The following ATP5MJ variants were observed in gnomAD, a reference collection of about 807,000 sequenced individuals.
ATP5MJ encodes ATP synthase F(0) complex subunit j, mitochondrial.
ATP5MJ carries 4 observed loss-of-function variants against 8.3 expected under a neutral mutation model. The ratio of observed to expected loss-of-function variants is 0.48; its 90% CI spans 0.24 to 1.11. ATP5MJ has a LOEUF of 1.11. Ranked by LOEUF, ATP5MJ falls within the 50% of genes least tolerant of loss-of-function variation. ATP5MJ has a pLI of 0.18. For missense variants in ATP5MJ, 66 were observed against 71.8 expected (o/e 0.92, Z 0.29); for synonymous variants, 23 against 21.3 (o/e 1.08, Z -0.23).
At chr14:103,915,020 T>C (rs1351277303) in intron 2 of ATP5MJ, 46 bp downstream of exon 2, 1 of 1,611,556 alleles carries the variant, frequency 6.2e-7, no homozygotes, top group African/African-American at 1.3e-5. Context: ...TTTTTGAAAA[T>C]AATTTTCTTC....
chr14:103,916,637 T>C (rs982091424), intron 1 of ATP5MJ, among the ~76,000 whole-genome samples: 37 of 152,146 alleles, frequency 2.4e-4, no homozygotes, highest in African/African-American at 8.9e-4. Context: ...GTCACAGCTA[T>C]TGGAAGACTG....
chr14:103,912,910 C>T lies in ATP5MJ; in HGVS notation c.149-216G>A, dbSNP rs760196326. 1.1e-5 allele frequency: 6 copies of T among 556,780 alleles called. 1 individual carries two copies. The highest frequency in any genetic ancestry group is 9.3e-5 in the Admixed American group (3 of 32,280). The allele number at this position is 556,780 out of a possible 1,614,324, so 34.5% of individuals were successfully genotyped here. On this transcript the variant is annotated intron_variant, in intron 3 of 3. Transcript: ENST00000286953. ...GCAGACAGGCAGTGGTCACCCACAG[C>T]GCAAAGAGAGAGGCAGGGAAACACC...
At chr14:103,917,654 C>A (rs1383996913) in intron 1 of ATP5MJ, among the ~76,000 whole-genome samples, 2 of 152,156 alleles carry the variant, frequency 1.3e-5, no homozygotes, top group Non-Finnish European at 2.9e-5. Context: ...GAACCAGGAA[C>A]TAAGTTAGTG....
Position 103,914,676 on chromosome 14 carries a change from G to C in ATP5MJ, c.124+390C>G, listed in dbSNP as rs772418442. On this transcript the variant is annotated intron_variant, in intron 2 of 3. Coordinates refer to ENST00000286953, the MANE Select transcript of ATP5MJ (RefSeq NM_004894.3). ...ACAAAAAAAAAATTAGCTAGGTGTG[G>C]TGGTGTTGGGCATAGTGACGGGCAC... 1.7e-4 allele frequency: 98 copies of C among 579,578 alleles called. No individual in the cohort carries two copies. The East Asian group carries it at 2.5e-3, about 15-fold the overall frequency. 35.9% of individuals were successfully genotyped at this position (579,578 alleles called of 1,614,324 possible).
Position 103,913,947 on chromosome 14 carries a change from A to G in ATP5MJ, c.148+14T>C. 6.2e-7 allele frequency: 1 copy of G among 1,612,120 alleles called. No homozygotes were observed. The highest frequency in any genetic ancestry group is 8.5e-7 in the Non-Finnish European group (1 of 1,178,486). ...TTTTCCATTCCCAACCATTTTCAGAAGCAAAAATCTTACCTTTCAAAGCCT... is the reference window on the plus strand; with the variant it reads ...TTTTCCATTCCCAACCATTTTCAGAGGCAAAAATCTTACCTTTCAAAGCCT... On this transcript the variant is annotated intron_variant, in intron 3 of 3. Transcript: ENST00000286953.
chr14:103,921,106 G>C, intron 1 of ATP5MJ: 1 of 1,379,990 alleles, frequency 7.2e-7, no homozygotes, highest in Non-Finnish European at 1.0e-6. Context: ...GGAGAGAAGG[G>C]ACTGGATGTG....
chr14:103,914,285 C>T, intron 2 of ATP5MJ: 1 of 563,534 alleles, frequency 1.8e-6, no homozygotes, highest in South Asian at 2.5e-5. Flanking sequence ...GTGATTGGGC[C>T]ACACTGCTCT....
chr14:103,919,177 G>GT (rs1018234461), intron 1 of ATP5MJ, among the ~76,000 whole-genome samples: 2 of 151,890 alleles, frequency 1.3e-5, no homozygotes, highest in Non-Finnish European at 2.9e-5. Flanking sequence ...AAGGTCAGTA[G>GT]TTTGAGACCA....
At chr14:103,917,832 CTA>C (rs963247897) in intron 1 of ATP5MJ, among the ~76,000 whole-genome samples, 4 of 152,184 alleles carry the variant, frequency 2.6e-5, no homozygotes, top group Non-Finnish European at 5.9e-5. Flanking sequence ...GAGAAAGCTC[CTA>C]TAAAGCGGGT....
At chr14:103,914,850 A>AAAAAAAG in intron 2 of ATP5MJ, 1 of 427,588 alleles carries the variant, frequency 2.3e-6, no homozygotes, top group Non-Finnish European at 3.9e-6. Flanking sequence ...AAAAAAAAAA[A>AAAAAAAG]AAAAAAAGAA....
At chr14:103,921,144 G>T in intron 1 of ATP5MJ, 1 of 999,858 alleles carries the variant, frequency 1.0e-6, no homozygotes, top group Non-Finnish European at 1.5e-6. Flanking sequence ...TTGGACTCTG[G>T]CTTCTCTAAC....
At chr14:103,918,044 G>C (rs2087639701) in intron 1 of ATP5MJ, 1 of 152,362 alleles carries the variant, frequency 6.6e-6, no homozygotes, top group East Asian at 1.9e-4. Context: ...GGAACACCTT[G>C]CAGATAGTCC....
chr14:103,919,097 A>G (rs1663577580), intron 1 of ATP5MJ, among the ~76,000 whole-genome samples: 1 of 152,094 alleles, frequency 6.6e-6, no homozygotes, highest in Non-Finnish European at 1.5e-5. Flanking sequence ...AAATCCAGAG[A>G]ATGGACTGGG....
Position 103,912,338 on chromosome 14 carries a change from G to GT in ATP5MJ, c.*327dup. The GT allele has an allele frequency of 9.8e-6, 3 of 305,238 alleles. No homozygotes were observed. The highest frequency in any genetic ancestry group is 1.8e-5 in the Non-Finnish European group (3 of 165,210). 18.9% of individuals were successfully genotyped at this position (305,238 alleles called of 1,614,324 possible). ...ACGTTTATTGAGCAGTAGAATACAA[G>GT]TGAGTGCCTGGATCCTGATCACCAA... On this transcript the variant is annotated 3_prime_UTR_variant, in exon 4 of 4. Coordinates refer to ENST00000286953, the MANE Select transcript of ATP5MJ (RefSeq NM_004894.3).
At chr14:103,917,185 T>C (rs1040616616) in intron 1 of ATP5MJ, among the ~76,000 whole-genome samples, 3 of 152,214 alleles carry the variant, frequency 2.0e-5, no homozygotes, top group Non-Finnish European at 4.4e-5. Flanking sequence ...ATTCAAATCC[T>C]GGCTGTCACT....
chr14:103,919,580 G>A (rs762054555), intron 1 of ATP5MJ, among the ~76,000 whole-genome samples: 1 of 152,040 alleles, frequency 6.6e-6, no homozygotes, highest in Non-Finnish European at 1.5e-5. Flanking sequence ...TAAGGAAAAG[G>A]GCAAAGTAAA....
Position 103,912,473 on chromosome 14 carries a change from A to G in ATP5MJ, c.*193T>C. The G allele has an allele frequency of 1.6e-6, 1 of 633,964 alleles. No homozygotes were observed. The allele number at this position is 633,964 out of a possible 1,614,324, so 39.3% of individuals were successfully genotyped here. A position where few individuals can be genotyped will look rare whatever the true frequency, so the allele number is the denominator to read the frequency against. ...ACTCAGAGTATGCCTGACACGCCGG[A>G]GGGGCTGAGGGGGAACACACTGAAA... On this transcript the variant is annotated 3_prime_UTR_variant, in exon 4 of 4. Coordinates refer to ENST00000286953, the MANE Select transcript of ATP5MJ (RefSeq NM_004894.3).
At chr14:103,917,214 G>A (rs929000045) in intron 1 of ATP5MJ, among the ~76,000 whole-genome samples, 16 of 152,116 alleles carry the variant, frequency 1.1e-4, no homozygotes, top group Middle Eastern at 3.2e-3. Context: ...AACTTAAACC[G>A]CTTAAGTTTT....
chr14:103,914,862 A>AAAAAAAAAT, intron 2 of ATP5MJ: 1 of 512,328 alleles, frequency 2.0e-6, no homozygotes, highest in Non-Finnish European at 3.2e-6. Flanking sequence ...AAAAAAGAAA[A>AAAAAAAAAT]GAAAAGAAAA....
Sources: gnomAD v4.1 joint callset for allele counts (sites outside exome capture counted in the v4.1 genomes callset) on GRCh38, gnomAD v4.1.1 for gene constraint, MANE v1.5 for transcripts, NCBI Gene and HGNC (gene_info 2026-07-23, HGNC 2026-07-21) for gene names.